UBP1: variants seen among roughly 807,000 people sequenced by gnomAD.
The protein encoded by UBP1 is upstream binding protein 1.
UBP1 carries 22 observed loss-of-function variants against 76.1 expected under a neutral mutation model. The ratio of observed to expected loss-of-function variants is 0.29; its 90% confidence interval spans 0.21 to 0.41. The LOEUF is 0.41. Among genes scored for constraint, UBP1 ranks in the 10% least tolerant of loss-of-function variants. The pLI is 1.00. For missense variants in UBP1, 436 were observed against 668.1 expected, an observed-to-expected ratio of 0.65 and a Z score of 3.83; for synonymous variants, 224 against 237.1, an observed-to-expected ratio of 0.94 and a Z score of 0.51.
chr3:33,396,714 C>A (rs1317136564), intron 12 of UBP1: 1 of 523,630 alleles, frequency 1.9e-6, no homozygotes, highest in African/African-American at 1.9e-5. Context: ...ATAGTCATGA[C>A]CTTGAAAACC....
intron 1 of UBP1, among the ~76,000 whole-genome samples, chr3:33,438,186 T>C (rs2154060350): frequency 6.6e-6 from 1 of 152,362 alleles, no homozygotes; most frequent in South Asian, 2.1e-4. Context: ...CATTAATAAG[T>C]TGGCTGAATC....
chr3:33,397,162 CAAAT>C (rs2044032760), intron 11 of UBP1, 27 bp from the exon 12 acceptor site: 6 of 1,526,664 alleles, frequency 3.9e-6, no homozygotes, highest in Non-Finnish European at 8.8e-7. Context: ...ATATTTTTCT[CAAAT>C]AAATGGAAAA....
chr3:33,397,152 A>T lies in UBP1; in HGVS notation c.1181-17T>A. ...AGTCGGCACCTAGAGAAGAGCAAAA[A>T]TATTTTTCTCAAATAAATGGAAAAA... On this transcript the variant is annotated splice_polypyrimidine_tract_variant and intron_variant, in intron 11 of 15. Coordinates refer to ENST00000283629, the MANE Select transcript of UBP1 (RefSeq NM_014517.5). The T allele has an allele frequency of 6.4e-7, 1 of 1,554,790 alleles. No individual in the cohort carries two copies. Among genetic ancestry groups the T allele is most frequent in the Non-Finnish European group, 8.7e-7 (1 of 1,153,298 alleles).
chr3:33,424,199 A>G (rs1236739182), intron 2 of UBP1, among the ~76,000 whole-genome samples: 1 of 152,228 alleles, frequency 6.6e-6, no homozygotes, highest in Non-Finnish European at 1.5e-5. Flanking sequence ...TTCAAATATA[A>G]AACTTAACTC....
intron 1 of UBP1, among the ~76,000 whole-genome samples, chr3:33,433,784 C>G (rs2045154799): frequency 6.6e-6 from 1 of 151,974 alleles, no homozygotes; most frequent in South Asian, 2.1e-4. Context: ...ACCATGTGGC[C>G]CACCTGTGGG....
At chr3:33,408,293 C>T (rs1368181331) in intron 8 of UBP1, among the ~76,000 whole-genome samples, 1 of 152,000 alleles carries the variant, frequency 6.6e-6, no homozygotes, top group Non-Finnish European at 1.5e-5. Context: ...AAAGCAAGAC[C>T]CTTTTCAGTT....
Position 33,431,780 on chromosome 3 carries a change from C to T in UBP1, c.114-6039G>A, listed in dbSNP as rs539817679. Among the ~76,000 whole-genome samples, 4 of 151,114 alleles carry T rather than the reference C, an allele frequency of 2.6e-5. No individual in the cohort carries two copies. In the East Asian group the frequency reaches 7.8e-4, roughly 29 times the overall value. On this transcript the variant is annotated intron_variant, in intron 1 of 15. Transcript: ENST00000283629. ...AAACGAAAAAAGACAGCTCCATTTT[C>T]CCAGTAAATAACTAAGGGAATCAGT...
chr3:33,406,725 C>T (rs2044438170), intron 8 of UBP1, among the ~76,000 whole-genome samples: 1 of 152,320 alleles, frequency 6.6e-6, no homozygotes, highest in African/African-American at 2.4e-5. Flanking sequence ...GCTAGCAATG[C>T]CTGGCCTGGG....
chr3:33,418,553 C>T (rs1436208467), intron 2 of UBP1, among the ~76,000 whole-genome samples: 1 of 151,900 alleles, frequency 6.6e-6, no homozygotes, highest in Non-Finnish European at 1.5e-5. Context: ...GCCACCGCAC[C>T]CGGCCATAAG....
Position 33,439,999 on chromosome 3 carries a change from G to A in UBP1, c.-151C>T. 2 of 753,466 alleles carry A rather than the reference G, an allele frequency of 2.7e-6. No individual in the cohort carries two copies. Among genetic ancestry groups the A allele is most frequent in the Non-Finnish European group, 4.0e-6 (2 of 500,210 alleles). 46.7% of individuals were successfully genotyped at this position (753,466 alleles called of 1,614,324 possible). Reference sequence around the variant, plus strand: ...CAGCGGCGGCCGGGACGAGAGCTGCGGGGGCCCCACTGGCAGGGCACGACG... The same window carrying A: ...CAGCGGCGGCCGGGACGAGAGCTGCAGGGGCCCCACTGGCAGGGCACGACG... On this transcript the variant is annotated 5_prime_UTR_variant, in exon 1 of 16. Coordinates refer to ENST00000283629, the MANE Select transcript of UBP1 (RefSeq NM_014517.5).
intron 10 of UBP1, 128 bp downstream of exon 10, chr3:33,400,834 C>A: frequency 2.3e-6 from 2 of 875,424 alleles, no homozygotes; most frequent in Non-Finnish European, 3.5e-6. Context: ...AATATCCTGA[C>A]TCGATTACCA....
At chr3:33,431,718 C>T (rs1264812370) in intron 1 of UBP1, among the ~76,000 whole-genome samples, 3 of 147,584 alleles carry the variant, frequency 2.0e-5, no homozygotes, top group East Asian at 4.1e-4. Flanking sequence ...CCAGCCTGGG[C>T]GACAGAGTGA....
Position 33,400,691 on chromosome 3 carries a change from A to G in UBP1, c.1086+271T>C, listed in dbSNP as rs1427142116. On this transcript the variant is annotated intron_variant, in intron 10 of 15. Transcript: ENST00000283629. Reference sequence around the variant, plus strand: ...GAAGAATGGGTGAGGGATAAGAGAGAGGATGAGAAGAACTGGATTAAAGGG... The same window carrying G: ...GAAGAATGGGTGAGGGATAAGAGAGGGGATGAGAAGAACTGGATTAAAGGG... Among the ~76,000 whole-genome samples the G allele has an allele frequency of 3.3e-5, 5 of 152,294 alleles. No individual in the cohort carries two copies. The East Asian group carries it at 9.7e-4, about 29-fold the overall frequency.
chr3:33,416,978 C>T, intron 2 of UBP1, 144 bp from the exon 3 acceptor site: 1 of 649,702 alleles, frequency 1.5e-6, no homozygotes, highest in East Asian at 2.9e-5. Context: ...CAGGTTGATC[C>T]TTCTCTTCCC....
At chr3:33,403,002 AAT>A (rs773943537) in intron 8 of UBP1, 98 bp from the exon 9 acceptor site, 296 of 1,052,274 alleles carry the variant, frequency 2.8e-4, no homozygotes, top group Middle Eastern at 2.9e-4. Flanking sequence ...AAGATTATAA[AAT>A]GCGAGACAGC....
At chr3:33,402,048 G>GTCAGCATGA (rs2154056154) in intron 9 of UBP1, among the ~76,000 whole-genome samples, 1 of 152,284 alleles carries the variant, frequency 6.6e-6, no homozygotes, top group East Asian at 1.9e-4. Context: ...ATCAGACCTT[G>GTCAGCATGA]TCAGCATGAC....
chr3:33,416,721 G>T, intron 3 of UBP1, 37 bp downstream of exon 3: 2 of 1,466,090 alleles, frequency 1.4e-6, no homozygotes, highest in Non-Finnish European at 1.9e-6. Context: ...TTCAATCACA[G>T]CAATATCCAT....
chr3:33,439,893 A>G lies in UBP1; in HGVS notation c.-45T>C, dbSNP rs753795275. On this transcript the variant is annotated 5_prime_UTR_variant, in exon 1 of 16. Coordinates refer to ENST00000283629, the MANE Select transcript of UBP1 (RefSeq NM_014517.5). ...CCCGCACACCGCGGCCTCCGCGTCC[A>G]GGGCGAAGGAGCCGGAGCTCCGCTG... The G allele has an allele frequency of 1.5e-5, 24 of 1,603,190 alleles. No individual in the cohort carries two copies. In the African/African-American group the frequency reaches 2.3e-4, roughly 15 times the overall value.
rs556106814 is a variant in UBP1 at position 33,432,659 on chromosome 3, C to T, written c.114-6918G>A. ...ACCAAAAAATTACATGTTTCTAAAA[C>T]AGTTTTAACCACTACACATCAGAAG... On this transcript the variant is annotated intron_variant, in intron 1 of 15. Transcript: ENST00000283629. Among the ~76,000 whole-genome samples the T allele has an allele frequency of 3.3e-5, 5 of 152,098 alleles. No individual in the cohort carries two copies. In the South Asian group the frequency reaches 1.0e-3, roughly 32 times the overall value.
Sources: gnomAD v4.1 joint callset for allele counts (sites outside exome capture counted in the v4.1 genomes callset) on GRCh38, gnomAD v4.1.1 for gene constraint, MANE v1.5 for transcripts, NCBI Gene and HGNC (gene_info 2026-07-23, HGNC 2026-07-21) for gene names.